KMT2D: variants seen among roughly 807,000 people sequenced by gnomAD.
The protein encoded by KMT2D is lysine methyltransferase 2D, also known as histone-lysine N-methyltransferase 2D.
Under a neutral mutation model 512.7 loss-of-function variants are expected in KMT2D, and 55 were observed. The observed-to-expected ratio is 0.11, with a 90% CI of 0.09 to 0.13. KMT2D has a LOEUF of 0.13. Ranked by LOEUF, KMT2D falls within the 10% of genes least tolerant of loss-of-function variation. The pLI, the probability that KMT2D is intolerant of heterozygous loss-of-function variation, is 1.00. For synonymous variants in KMT2D, 2,995 were observed against 2,904.0 expected (o/e 1.03, Z -1.01); for missense variants, 6,061 against 7,127.9 (o/e 0.85, Z 5.39).
chr12:49,052,635 G>C lies in KMT2D; in HGVS notation c.1187C>G (p.Pro396Arg), dbSNP rs377452989. The part of the protein sequence containing the change: ...DALYVACQGQ[P>R]KGGHVTSMQP... ...CATAGAGGTCACGTGCCCACCCTTTGGCTGCCCTTGGCATGCAACGTACAG... is the reference window on the plus strand; with the variant it reads ...CATAGAGGTCACGTGCCCACCCTTTCGCTGCCCTTGGCATGCAACGTACAG... The change falls in exon 10 of 55, where the codon CCA (proline) becomes CGA (arginine). Residue 396 changes from proline to arginine, a missense_variant. Transcript: ENST00000301067. 208 of 1,613,670 alleles carry C rather than the reference G, an allele frequency of 1.3e-4. No individual in the cohort carries two copies. In the African/African-American group the frequency reaches 2.5e-3, roughly 20 times the overall value.
In KMT2D at chr12:49,044,991, TC is replaced by T; in HGVS notation, c.4742-27del. On this transcript the variant is annotated intron_variant, in intron 19 of 54. Transcript: ENST00000301067. This position sits in a 1 kb window ranked among gnomAD's most constrained non-coding sequence, Gnocchi z 6.4. ...CTGCATAAGAGGAAAGAGTATGTGA[TC>T]CCTGGATGGAAGCCCCAGGGAAACC... 1 of 1,593,368 alleles carries T rather than the reference TC, an allele frequency of 6.3e-7. No homozygotes were observed. Among genetic ancestry groups the T allele is most frequent in the African/African-American group, 1.3e-5 (1 of 74,662 alleles).
Position 49,054,151 on chromosome 12 carries a change from GA to G in KMT2D, c.511-12del, listed in dbSNP as rs2120705272. On this transcript the variant is annotated splice_polypyrimidine_tract_variant and intron_variant, in intron 5 of 54. Transcript: ENST00000301067. This position sits in a 1 kb window ranked among gnomAD's most constrained non-coding sequence, Gnocchi z 6.4. ...GCAGTGGGAGCAGCGCTGCCAGGGT[GA>G]AAAAAGAGCCTCAGTGTCAGCCAGC... is the stretch of plus-strand genomic sequence containing the variant. 3 of 1,585,576 alleles carry G rather than the reference GA, an allele frequency of 1.9e-6. No individual in the cohort carries two copies. The highest frequency in any genetic ancestry group is 2.3e-5 in the East Asian group (1 of 43,826).
Position 49,044,629 on chromosome 12 carries a change from G to T in KMT2D, c.4964-107C>A. On this transcript the variant is annotated intron_variant, in intron 20 of 54. Transcript: ENST00000301067. The surrounding 1 kb of genome is among the most constrained non-coding windows in gnomAD (Gnocchi z 6.4). ...GAATACCTTGCCTCAGAGCCACTTA[G>T]ACGAGACAGCAGTGCTTAAGGGTAA... 1 of 1,557,846 alleles carries T rather than the reference G, an allele frequency of 6.4e-7. No individual in the cohort carries two copies. Among genetic ancestry groups the T allele is most frequent in the Non-Finnish European group, 8.7e-7 (1 of 1,145,798 alleles).
Position 49,043,993 on chromosome 12 carries a change from G to T in KMT2D, c.5194C>A (p.Pro1732Thr). The T allele has an allele frequency of 6.2e-7, 1 of 1,613,996 alleles. No homozygotes were observed. Among genetic ancestry groups the T allele is most frequent in the East Asian group, 2.2e-5 (1 of 44,892 alleles). The change falls in exon 23 of 55, where the codon CCT (proline) becomes ACT (threonine). Residue 1732 changes from proline (P) to threonine (T), a missense_variant. Around this residue, in one of 16 missense-constraint regions of KMT2D, gnomAD observed 640 missense variants for 814.3 expected, o/e 0.79. Coordinates refer to ENST00000301067, the MANE Select transcript of KMT2D (RefSeq NM_003482.4). ...GCGCCCTCTGCAGGCAGGTCAGCAG[G>T]TATCACTGTGGACAGAACGGAAGTG... ...SGDGQPDEVI[P>T]ADLPAEGAVE...
chr12:49,038,724 T>C lies in KMT2D; in HGVS notation c.8632A>G (p.Ile2878Val), dbSNP rs2120503224. The change falls in exon 35 of 55, where the codon ATT (isoleucine) becomes GTT (valine). Residue 2878 changes from isoleucine to valine, a missense_variant. Transcript: ENST00000301067. This position sits in a 1 kb window ranked among gnomAD's most constrained non-coding sequence, Gnocchi z 5.7. ...TTCTGTACATTGTGCCGCAGCTCAATGAACTGGGCAGGACCAGCTGGACCA... is the reference window on the plus strand; with the variant it reads ...TTCTGTACATTGTGCCGCAGCTCAACGAACTGGGCAGGACCAGCTGGACCA... ...VPGPAGPAQF[I>V]ELRHNVQKGL... The C allele has an allele frequency of 1.2e-6, 2 of 1,609,702 alleles. No individual in the cohort carries two copies. The highest frequency in any genetic ancestry group is 1.7e-6 in the Non-Finnish European group (2 of 1,178,304).
rs2120539869 is a variant in KMT2D, at chr12:49,041,010, T to C, written c.6760A>G (p.Asn2254Asp). The change falls in exon 32 of 55, where the codon AAC becomes GAC. Residue 2254 changes from asparagine (N) to aspartate (D), a missense_variant. This residue lies in a region of KMT2D where 710 missense variants were observed against 647.3 expected (regional missense o/e 1.10). Coordinates refer to ENST00000301067, the MANE Select transcript of KMT2D (RefSeq NM_003482.4). The surrounding 1 kb of genome is among the most constrained non-coding windows in gnomAD (Gnocchi z 5.4). Reference sequence around the variant, plus strand: ...CCAGGGCTCTCAGGCACAGCCAAGTTATCCAGCGAGGGGCAGCGGGGTTTG... The same window carrying C: ...CCAGGGCTCTCAGGCACAGCCAAGTCATCCAGCGAGGGGCAGCGGGGTTTG... ...FLKPRCPSLD[N>D]LAVPESPGVG... 6.3e-7 allele frequency: 1 copy of C among 1,590,044 alleles called. No individual in the cohort carries two copies. The highest frequency in any genetic ancestry group is 8.6e-7 in the Non-Finnish European group (1 of 1,167,004).
rs540719737 is a variant in KMT2D at position 49,046,909 on chromosome 12, G to A, written c.4237-119C>T. The A allele has an allele frequency of 9.3e-6, 8 of 859,106 alleles. No individual in the cohort carries two copies. Among genetic ancestry groups the A allele is most frequent in the South Asian group, 1.8e-5 (1 of 54,994 alleles). 53.2% of individuals were successfully genotyped at this position (859,106 alleles called of 1,614,324 possible). A position where few individuals can be genotyped will look rare whatever the true frequency, so the allele number is the denominator to read the frequency against. ...TCCCCAGGCTGGAGTGCAATGGCGC[G>A]ATCTCGGCTCACTGCAACCTCTGCC... On this transcript the variant is annotated intron_variant, in intron 15 of 54. Coordinates refer to ENST00000301067, the MANE Select transcript of KMT2D (RefSeq NM_003482.4). This position sits in a 1 kb window ranked among gnomAD's most constrained non-coding sequence, Gnocchi z 4.2.
Position 49,027,333 on chromosome 12 carries a change from G to T in KMT2D, c.14644-11C>A. The T allele has an allele frequency of 1.3e-6, 2 of 1,510,156 alleles. No individual in the cohort carries two copies. The highest frequency in any genetic ancestry group is 1.8e-6 in the Non-Finnish European group (2 of 1,131,894). The allele number at this position is 1,510,156 out of a possible 1,614,324, so 93.5% of individuals were successfully genotyped here. ...TGGGGCGGGGCTCTCCTGTAGGAGGGTGCCCTGTATCATTAGTGCCAGCTC... is the reference window on the plus strand; with the variant it reads ...TGGGGCGGGGCTCTCCTGTAGGAGGTTGCCCTGTATCATTAGTGCCAGCTC... On this transcript the variant is annotated splice_polypyrimidine_tract_variant and intron_variant, in intron 48 of 54. Coordinates refer to ENST00000301067, the MANE Select transcript of KMT2D (RefSeq NM_003482.4).
At chr12:49,058,470 T>C (rs1242327648) in intron 1 of KMT2D, among the ~76,000 whole-genome samples, 2 of 152,124 alleles carry the variant, frequency 1.3e-5, no homozygotes, top group African/African-American at 4.8e-5. Flanking sequence ...GGGAGCAAAA[T>C]GCACCAGCCA....
rs67472349 is a variant in KMT2D, at chr12:49,024,105, G to GA, written c.16052+472dup. On this transcript the variant is annotated intron_variant, in intron 51 of 54. Transcript: ENST00000301067. The surrounding 1 kb of genome is among the most constrained non-coding windows in gnomAD (Gnocchi z 4.5). ...GAGATAATGGATGTGAAAACGCTTT[G>GA]AAAAAAAAAGTATAAAGTGCTATAC... The GA allele has an allele frequency of 7.0e-5, 31 of 444,898 alleles. No homozygotes were observed. The highest frequency in any genetic ancestry group is 1.8e-4 in the Admixed American group (7 of 39,988). The allele number at this position is 444,898 out of a possible 1,614,324, so 27.6% of individuals were successfully genotyped here.
At position 49,026,419 on chromosome 12, in the gene KMT2D, G is replaced by A; in HGVS notation, c.15547C>T (p.Leu5183Phe). Residue 5183 changes from leucine to phenylalanine, a missense_variant, in exon 49 of 55, where the codon CTT becomes TTT. Physicochemically the swap from Leu to Phe is conservative, Grantham distance 22 (BLOSUM62 0). Transcript: ENST00000301067. The surrounding 1 kb of genome is among the most constrained non-coding windows in gnomAD (Gnocchi z 9.6). ...ERLHMFRVGG[L>F]VFHAIGQLLP... ...AGCTGTCCGATGGCGTGGAACACAAGGCCCCCCACACGGAACATGTGCAGC... is the reference window on the plus strand; with the variant it reads ...AGCTGTCCGATGGCGTGGAACACAAAGCCCCCCACACGGAACATGTGCAGC... The A allele has an allele frequency of 6.2e-7, 1 of 1,613,948 alleles. No individual in the cohort carries two copies. The highest frequency in any genetic ancestry group is 8.5e-7 in the Non-Finnish European group (1 of 1,179,852).
rs2120564612 is a variant in KMT2D, at chr12:49,043,177, T to C, written c.5543A>G (p.Asp1848Gly). ...CACTGGGGATGCCTTCACGCCCCCATCCTCAGGTCCTGTAAATGCCAGGAG... is the reference window on the plus strand; with the variant it reads ...CACTGGGGATGCCTTCACGCCCCCACCCTCAGGTCCTGTAAATGCCAGGAG... Reference protein sequence around the residue: ...EGKADTPGPEDGGVKASPVPS... With the variant: ...EGKADTPGPEGGGVKASPVPS... Residue 1848 changes from aspartate (D) to glycine (G), a missense_variant, in exon 26 of 55, where the codon GAT becomes GGT. Asp to Gly is a moderately conservative substitution (Grantham distance 94). This residue lies in a region of KMT2D where 640 missense variants were observed against 814.3 expected (regional missense o/e 0.79). Transcript: ENST00000301067. 6.2e-7 allele frequency: 1 copy of C among 1,613,698 alleles called. No homozygotes were observed. The highest frequency in any genetic ancestry group is 8.5e-7 in the Non-Finnish European group (1 of 1,179,702).
Position 49,020,040 on chromosome 12 carries a change from T to G in KMT2D, c.*1740A>C. 1 of 201,480 alleles carries G rather than the reference T, an allele frequency of 5.0e-6. No individual in the cohort carries two copies. Among genetic ancestry groups the G allele is most frequent in the Non-Finnish European group, 1.0e-5 (1 of 97,528 alleles). The allele number at this position is 201,480 out of a possible 1,614,324, so 12.5% of individuals were successfully genotyped here. A position where few individuals can be genotyped will look rare whatever the true frequency, so the allele number is the denominator to read the frequency against. On this transcript the variant is annotated 3_prime_UTR_variant, in exon 55 of 55. Coordinates refer to ENST00000301067, the MANE Select transcript of KMT2D (RefSeq NM_003482.4). The stretch of plus-strand genomic sequence containing the variant: ...ATAAGCTTCATCTTCATCCCCACGG[T>G]TCCCTACCAGAGAGGGGTTTGGGGC...
intron 1 of KMT2D, among the ~76,000 whole-genome samples, chr12:49,059,258 C>T (rs1002867670): frequency 6.6e-6 from 1 of 152,132 alleles, no homozygotes; most frequent in South Asian, 2.1e-4. Context: ...CCACAAGGAA[C>T]CCTGAGGGGA....
chr12:49,043,409 A>G lies in KMT2D; in HGVS notation c.5487T>C (p.Ile1829=), dbSNP rs1302483539. The change falls in exon 25 of 55, where the codon ATT becomes ATC. Residue 1829 remains isoleucine, a synonymous_variant. Transcript: ENST00000301067. ...TSQKGDDGPD[I]ADEESRGLEG... ...CGAGGCCACGGGATTCTTCATCTGCAATATCTGGACCATCATCTCCTATGA... is the reference window on the plus strand; with the variant it reads ...CGAGGCCACGGGATTCTTCATCTGCGATATCTGGACCATCATCTCCTATGA... 3.1e-6 allele frequency: 5 copies of G among 1,613,862 alleles called. No individual in the cohort carries two copies. The highest frequency in any genetic ancestry group is 8.5e-7 in the Non-Finnish European group (1 of 1,179,868).
intron 38 of KMT2D, 25 bp downstream of exon 38, chr12:49,034,385 C>T (rs2120456380): frequency 1.2e-6 from 2 of 1,613,624 alleles, no homozygotes; most frequent in South Asian, 2.2e-5. Flanking sequence ...CTCCCCTGCA[C>T]CTTCCTCCCA....
rs775236923 is a variant in KMT2D, at chr12:49,041,807, C to G, written c.6184-102G>C. On this transcript the variant is annotated intron_variant, in intron 30 of 54. Coordinates refer to ENST00000301067, the MANE Select transcript of KMT2D (RefSeq NM_003482.4). This position sits in a 1 kb window ranked among gnomAD's most constrained non-coding sequence, Gnocchi z 5.4. The stretch of plus-strand genomic sequence containing the variant: ...CTCCCTACCCAGAAGCAGATCCCTT[C>G]TGGCCCAGCTGCTTTAGGAGTGGGG... 4.0e-5 allele frequency: 61 copies of G among 1,523,986 alleles called. No individual in the cohort carries two copies. Among genetic ancestry groups the G allele is most frequent in the Non-Finnish European group, 5.2e-5 (58 of 1,119,702 alleles). The allele number at this position is 1,523,986 out of a possible 1,614,324, so 94.4% of individuals were successfully genotyped here.
chr12:49,021,818 G>A lies in KMT2D; in HGVS notation c.16576C>T (p.His5526Tyr). 6.2e-7 allele frequency: 1 copy of A among 1,614,008 alleles called. No individual in the cohort carries two copies. Among genetic ancestry groups the A allele is most frequent in the Non-Finnish European group, 8.5e-7 (1 of 1,179,870 alleles). The stretch of plus-strand genomic sequence containing the variant: ...TTCCGACAATTCCAGGCTCCACAGT[G>A]GCAGGGGATCTTGTGCTGATCGTCC... ...FEDDQHKIPC[H>Y]CGAWNCRKWM... The change falls in exon 55 of 55, where the codon CAC becomes TAC. Residue 5526 changes from histidine (H) to tyrosine (Y), a missense_variant. Around this residue, in one of 16 missense-constraint regions of KMT2D, gnomAD observed 44 missense variants for 194.7 expected, o/e 0.23. Coordinates refer to ENST00000301067, the MANE Select transcript of KMT2D (RefSeq NM_003482.4).
Position 49,024,478 on chromosome 12 carries a change from A to G in KMT2D, c.16052+100T>C, listed in dbSNP as rs749311488. The G allele has an allele frequency of 2.1e-5, 30 of 1,453,048 alleles. No homozygotes were observed. Among genetic ancestry groups the G allele is most frequent in the Non-Finnish European group, 2.8e-5 (30 of 1,080,792 alleles). 90.0% of individuals were successfully genotyped at this position (1,453,048 alleles called of 1,614,324 possible). A position where few individuals can be genotyped will look rare whatever the true frequency, so the allele number is the denominator to read the frequency against. ...CTAAGAGTGATTCCCCATTTTCTCC[A>G]CGGGAACTCTGATCTGTATCCTAAA... is the stretch of plus-strand genomic sequence containing the variant. On this transcript the variant is annotated intron_variant, in intron 51 of 54. Coordinates refer to ENST00000301067, the MANE Select transcript of KMT2D (RefSeq NM_003482.4). The surrounding 1 kb of genome is among the most constrained non-coding windows in gnomAD (Gnocchi z 4.5).
Sources: allele counts gnomAD v4.1 joint callset (sites outside exome capture counted in the v4.1 genomes callset), GRCh38; gene constraint gnomAD v4.1.1; regional missense constraint gnomAD v4.1.1; non-coding constraint Gnocchi (gnomAD v3.1); transcripts MANE v1.5; gene names NCBI Gene and HGNC (gene_info 2026-07-23, HGNC 2026-07-21).